Variants in ZNF236 observed in about 807,000 individuals in gnomAD.
ZNF236 encodes the protein regulated by glucose.
In ZNF236, 50 loss-of-function variants were observed where a neutral mutation model predicts 191.2. That is an observed-to-expected ratio of 0.26 (90% confidence interval 0.21 to 0.33). The LOEUF (loss-of-function observed/expected upper bound fraction) is 0.33, where lower values mean the gene tolerates loss of function less well. Ranked by LOEUF, ZNF236 falls within the 10% of genes least tolerant of loss-of-function variation. The pLI is 1.00. For synonymous variants in ZNF236, 907 were observed against 928.8 expected (o/e 0.98, Z 0.43); for missense variants, 1,754 against 2,374.5 (o/e 0.74, Z 5.43).
At position 76,960,621 on chromosome 18, in the gene ZNF236, G is replaced by A. The variant is rs1968643922; in HGVS notation, c.5243-58G>A. The A allele has an allele frequency of 5.0e-6, 8 of 1,597,728 alleles. No individual in the cohort carries two copies. Among genetic ancestry groups the A allele is most frequent in the Non-Finnish European group, 5.1e-6 (6 of 1,166,338 alleles). On this transcript the variant is annotated intron_variant, in intron 29 of 30. Coordinates refer to ENST00000320610, the MANE Select transcript of ZNF236 (RefSeq NM_001306089.2). The surrounding 1 kb of genome is among the most constrained non-coding windows in gnomAD (Gnocchi z 4.4). ...CCTCTTGTTCATACCTCAGGGTAGA[G>A]CCCAGGCATCCACTATACTTTTCTT...
intron 9 of ZNF236, among the ~76,000 whole-genome samples, chr18:76,891,194 T>C (rs946738966): frequency 5.3e-5 from 8 of 152,298 alleles, no homozygotes; most frequent in African/African-American, 1.9e-4. Flanking sequence ...GGGTCAGTTG[T>C]ACATTTTTTT....
chr18:76,890,403 T>C (rs1307788527), intron 9 of ZNF236, among the ~76,000 whole-genome samples: 1 of 152,200 alleles, frequency 6.6e-6, no homozygotes. Context: ...ACCGACCTTA[T>C]TGAAATTTTA....
intron 11 of ZNF236, among the ~76,000 whole-genome samples, chr18:76,903,469 A>C (rs8091823): frequency 0.26 from 39,687 of 152,068 alleles, 5,505 homozygotes; most frequent in East Asian, 0.34. Context: ...CCGGAAAAAC[A>C]GAGTGTGTTC....
intron 1 of ZNF236, among the ~76,000 whole-genome samples, chr18:76,839,385 C>A (rs1404082289): frequency 6.6e-6 from 1 of 152,214 alleles, no homozygotes; most frequent in South Asian, 2.1e-4. Context: ...TCTCATCAAT[C>A]TGTGGTATTG....
chr18:76,835,734 A>G (rs1029804236), intron 1 of ZNF236, among the ~76,000 whole-genome samples: 2 of 152,056 alleles, frequency 1.3e-5, no homozygotes, highest in Non-Finnish European at 2.9e-5. Flanking sequence ...GTATGGCCTG[A>G]TGATCTTTGT....
At chr18:76,824,131 A>T (rs756114301) in intron 1 of ZNF236, 21 of 585,734 alleles carry the variant, frequency 3.6e-5, no homozygotes, top group Non-Finnish European at 5.8e-5. Context: ...TTGTGACCAA[A>T]CAACACAGGT....
rs373547513 is a variant in ZNF236 at position 76,927,254 on chromosome 18, C to T, written c.4174-23C>T. 1.1e-4 allele frequency: 172 copies of T among 1,612,814 alleles called. No homozygotes were observed. The highest frequency in any genetic ancestry group is 1.4e-4 in the Non-Finnish European group (167 of 1,178,996). On this transcript the variant is annotated intron_variant, in intron 23 of 30. Transcript: ENST00000320610. The surrounding 1 kb of genome is among the most constrained non-coding windows in gnomAD (Gnocchi z 5.4). ...ACAGAGAAGCATGAAGTTTTCATTA[C>T]AAGTACCTGTGCTGCTTTTCAGATT... is the stretch of plus-strand genomic sequence containing the variant.
rs748028628 is a variant in ZNF236 at position 76,927,979 on chromosome 18, C to A, written c.4467C>A (p.Ser1489=). 7.4e-6 allele frequency: 12 copies of A among 1,613,522 alleles called. No individual in the cohort carries two copies. The South Asian group carries it at 9.9e-5, about 13-fold the overall frequency. Reference sequence around the variant, plus strand: ...CTTCGCAAGGTCTAGTGTCCCCCTCCGGCGGTCCCCACGAGATCACCCTGA... The same window carrying A: ...CTTCGCAAGGTCTAGTGTCCCCCTCAGGCGGTCCCCACGAGATCACCCTGA... ...VMTSQGLVSP[S]GGPHEITLTI... The change falls in exon 25 of 31, where the codon TCC becomes TCA. Residue 1489 remains serine (S), a synonymous_variant. Transcript: ENST00000320610. The surrounding 1 kb of genome is among the most constrained non-coding windows in gnomAD (Gnocchi z 5.4).
At chr18:76,873,584 C>CTT in intron 5 of ZNF236, among the ~76,000 whole-genome samples, 1 of 152,290 alleles carries the variant, frequency 6.6e-6, no homozygotes, top group East Asian at 1.9e-4. Context: ...TGGGCTTGGT[C>CTT]TTCCAATAGC....
At chr18:76,832,182 C>G (rs546107113) in intron 1 of ZNF236, among the ~76,000 whole-genome samples, 1 of 152,094 alleles carries the variant, frequency 6.6e-6, no homozygotes. Flanking sequence ...TGGGTTCAAG[C>G]GATTCTTGTA....
At chr18:76,897,552 T>G (rs1182630454) in intron 10 of ZNF236, among the ~76,000 whole-genome samples, 1 of 148,572 alleles carries the variant, frequency 6.7e-6, no homozygotes, top group African/African-American at 2.5e-5. Flanking sequence ...CAGGGACCAG[T>G]GCTGCCCACA....
At chr18:76,832,771 C>T (rs1332607991) in intron 1 of ZNF236, among the ~76,000 whole-genome samples, 1 of 152,064 alleles carries the variant, frequency 6.6e-6, no homozygotes, top group Non-Finnish European at 1.5e-5. Context: ...AAAAAACTTG[C>T]TGGGATCTTG....
intron 22 of ZNF236, among the ~76,000 whole-genome samples, 166 bp from the exon 23 acceptor site, chr18:76,926,867 GCATA>G (rs2122838863): frequency 2.6e-5 from 4 of 151,312 alleles, no homozygotes; most frequent in Non-Finnish European, 5.9e-5. Flanking sequence ...TGATTAAACA[GCATA>G]TATGTGTATA....
chr18:76,941,189 AG>A (rs1368605242), intron 26 of ZNF236, among the ~76,000 whole-genome samples: 1 of 152,148 alleles, frequency 6.6e-6, no homozygotes, highest in African/African-American at 2.4e-5. Context: ...TGGTTCTCCA[AG>A]CAGGTTCTTG....
intron 3 of ZNF236, among the ~76,000 whole-genome samples, chr18:76,863,576 C>G (rs1274372596): frequency 6.6e-6 from 1 of 151,640 alleles, no homozygotes; most frequent in East Asian, 1.9e-4. Context: ...TTGTCAATTA[C>G]AAATTATTCT....
chr18:76,921,802 C>T (rs1382556180), intron 20 of ZNF236, among the ~76,000 whole-genome samples: 1 of 119,938 alleles, frequency 8.3e-6, no homozygotes, highest in Non-Finnish European at 1.6e-5. Flanking sequence ...AGTGCAGTGG[C>T]GTGGTCTCGG....
At chr18:76,824,187 A>G (rs1974952152) in intron 1 of ZNF236, 1 of 648,790 alleles carries the variant, frequency 1.5e-6, no homozygotes, top group Non-Finnish European at 2.8e-6. Flanking sequence ...GATTGTGTTA[A>G]TTTTGTGTTT....
At chr18:76,963,699 G>T (rs1968712498) in intron 30 of ZNF236, among the ~76,000 whole-genome samples, 2 of 152,112 alleles carry the variant, frequency 1.3e-5, no homozygotes, top group African/African-American at 4.8e-5. Context: ...AATCCATCTG[G>T]TTGTGGACTT....
rs60057802 is a variant in ZNF236 at position 76,916,742 on chromosome 18, T to G, written c.3274+883T>G. On this transcript the variant is annotated intron_variant, in intron 19 of 30. Coordinates refer to ENST00000320610, the MANE Select transcript of ZNF236 (RefSeq NM_001306089.2). ...AGGTCACGGCTGGTCTGAGTGTATG[T>G]GTTGGCCTGGGCTCTTGCCTGTGCC... 9.8e-3 allele frequency among the ~76,000 whole-genome samples: 1,489 copies of G among 152,310 alleles called. 24 individuals are homozygous for G. The highest frequency in any genetic ancestry group is 0.034 in the African/African-American group (1,433 of 41,566).
Sources: gnomAD v4.1 joint callset for allele counts (sites outside exome capture counted in the v4.1 genomes callset) on GRCh38, gnomAD v4.1.1 for gene constraint, Gnocchi (gnomAD v3.1) non-coding constraint, MANE v1.5 for transcripts, NCBI Gene and HGNC (gene_info 2026-07-23, HGNC 2026-07-21) for gene names.